The following TLL2 variants were observed in gnomAD, a reference collection of about 807,000 sequenced individuals.
TLL2 encodes tolloid like 2, also known as tolloid-like protein 2.
A neutral mutation model predicts 123.0 loss-of-function variants in TLL2; 106 were observed. The observed-to-expected ratio is 0.86, with a 90% CI of 0.74 to 1.01. TLL2 has a LOEUF of 1.01. Ranked by LOEUF, TLL2 falls within the 50% of genes least tolerant of loss-of-function variation. The probability of loss-of-function intolerance (pLI) is 0.00; values close to 1 mark genes in which losing one functional copy is unlikely to be tolerated. For missense variants in TLL2, 1,332 were observed against 1,336.7 expected, an observed-to-expected ratio of 1.00 and a Z score of 0.06; for synonymous variants, 494 against 516.8, an observed-to-expected ratio of 0.96 and a Z score of 0.60.
At chr10:96,499,037 C>A (rs1440327657) in intron 1 of TLL2, among the ~76,000 whole-genome samples, 1 of 152,238 alleles carries the variant, frequency 6.6e-6, no homozygotes, top group African/African-American at 2.4e-5. Flanking sequence ...GACACTGGAA[C>A]TGGACCCTGT....
At chr10:96,430,093 C>T (rs1021835185) in intron 4 of TLL2, among the ~76,000 whole-genome samples, 3 of 152,000 alleles carry the variant, frequency 2.0e-5, no homozygotes, top group Non-Finnish European at 1.5e-5. Flanking sequence ...CAGCTGACAT[C>T]ACTTGGATGT....
intron 2 of TLL2, among the ~76,000 whole-genome samples, chr10:96,476,234 A>ATTTTTT (rs1232966569): frequency 9.3e-5 from 2 of 21,524 alleles, no homozygotes; most frequent in South Asian, 2.5e-3. Context: ...ATATATATAT[A>ATTTTTT]TATATATTTT....
chr10:96,416,114 TC>T (rs1211492956), intron 7 of TLL2, among the ~76,000 whole-genome samples: 2 of 152,154 alleles, frequency 1.3e-5, no homozygotes, highest in African/African-American at 4.8e-5. Flanking sequence ...AAGTGATGAC[TC>T]TGCAGAAAAT....
At chr10:96,393,709 C>T (rs1846310995) in intron 13 of TLL2, among the ~76,000 whole-genome samples, 1 of 148,276 alleles carries the variant, frequency 6.7e-6, no homozygotes, top group African/African-American at 2.5e-5. Context: ...AATACAAGTG[C>T]TATGGCCTGG....
At chr10:96,506,271 A>AAAAAAG (rs1564921535) in intron 1 of TLL2, among the ~76,000 whole-genome samples, 2 of 150,126 alleles carry the variant, frequency 1.3e-5, no homozygotes, top group African/African-American at 4.9e-5. Flanking sequence ...AAAAAGAAAA[A>AAAAAAG]AAAAAAAGAA....
At chr10:96,429,726 C>T (rs1323898736) in intron 4 of TLL2, among the ~76,000 whole-genome samples, 1 of 152,194 alleles carries the variant, frequency 6.6e-6, no homozygotes, top group African/African-American at 2.4e-5. Flanking sequence ...TTTCTATTTG[C>T]ATGTACATCT....
chr10:96,416,438 G>C (rs74151309), intron 7 of TLL2, among the ~76,000 whole-genome samples: 1,746 of 152,228 alleles, frequency 0.011, 33 homozygotes, highest in African/African-American at 0.04. Flanking sequence ...TAGGAGTCAG[G>C]TGCCATTATC....
chr10:96,371,028 A>G (rs1380107575), intron 19 of TLL2, among the ~76,000 whole-genome samples: 3 of 152,184 alleles, frequency 2.0e-5, no homozygotes, highest in Non-Finnish European at 4.4e-5. Context: ...CACATAAAAT[A>G]AAATGGATAT....
chr10:96,422,471 C>G, intron 6 of TLL2, 78 bp downstream of exon 6: 15 of 1,532,260 alleles, frequency 9.8e-6, no homozygotes, highest in East Asian at 2.3e-5. Flanking sequence ...CAGCAAGTCC[C>G]CTCCTTCCCT....
At chr10:96,374,560 C>T (rs1846117345) in intron 18 of TLL2, 1 of 152,292 alleles carries the variant, frequency 6.6e-6, no homozygotes, top group Non-Finnish European at 1.5e-5. Context: ...TTCTCTCTTA[C>T]TTCTGGTGAT....
intron 2 of TLL2, among the ~76,000 whole-genome samples, chr10:96,476,538 A>C (rs1847254012): frequency 6.6e-6 from 1 of 151,770 alleles, no homozygotes; most frequent in Non-Finnish European, 1.5e-5. Flanking sequence ...CTCGGATTAC[A>C]GGTGTGAGTC....
chr10:96,381,617 T>C (rs1047896884), intron 16 of TLL2, among the ~76,000 whole-genome samples: 1 of 152,222 alleles, frequency 6.6e-6, no homozygotes, highest in African/African-American at 2.4e-5. Context: ...CACCCACTGC[T>C]CCAGGCAACC....
chr10:96,434,778 A>G (rs1403885034), intron 3 of TLL2, among the ~76,000 whole-genome samples: 1 of 152,222 alleles, frequency 6.6e-6, no homozygotes, highest in African/African-American at 2.4e-5. Context: ...TTTTCAAAAC[A>G]GTGGCACCAT....
intron 13 of TLL2, among the ~76,000 whole-genome samples, chr10:96,387,941 G>C (rs1298570724): frequency 6.6e-6 from 1 of 152,208 alleles, no homozygotes. Context: ...CTGAAAGAGA[G>C]CATGTGGGAT....
intron 2 of TLL2, among the ~76,000 whole-genome samples, chr10:96,459,683 AAAAAAAAAAAAAAAAAAAAAAAATATAT>A: frequency 1.9e-5 from 1 of 52,392 alleles, no homozygotes; most frequent in South Asian, 7.0e-4. Flanking sequence ...AAAAAAAAAA[AAAAAAAAAAAAAAAAAAAAAAAATATAT>A]ATATATATAT....
At chr10:96,493,250 G>A (rs565928382) in intron 1 of TLL2, among the ~76,000 whole-genome samples, 1 of 152,312 alleles carries the variant, frequency 6.6e-6, no homozygotes. Flanking sequence ...TAACTGCCAT[G>A]CGTCTTTGGC....
At position 96,368,021 on chromosome 10, in the gene TLL2, C is replaced by T. The variant is rs1013129731; in HGVS notation, c.*67G>A. 38 of 1,590,832 alleles carry T rather than the reference C, an allele frequency of 2.4e-5. No homozygotes were observed. Among genetic ancestry groups the T allele is most frequent in the Non-Finnish European group, 2.9e-5 (34 of 1,165,452 alleles). On this transcript the variant is annotated 3_prime_UTR_variant, in exon 21 of 21. Transcript: ENST00000357947. Reference sequence around the variant, plus strand: ...TGTTTTAGGGCAGATTTTCAAGGTGCTATTGTTGTTAAAAACAAAACAAAA... The same window carrying T: ...TGTTTTAGGGCAGATTTTCAAGGTGTTATTGTTGTTAAAAACAAAACAAAA...
rs567592330 is a variant in TLL2, at chr10:96,501,933, A to G, written c.175+11578T>C. The stretch of plus-strand genomic sequence containing the variant: ...GTCTCGTTTATACTCCTTGGAGCTC[A>G]TTGTCCAATGCAGAGACAGTCATTG... On this transcript the variant is annotated intron_variant, in intron 1 of 20. Coordinates refer to ENST00000357947, the MANE Select transcript of TLL2 (RefSeq NM_012465.4). 1.6e-4 allele frequency among the ~76,000 whole-genome samples: 25 copies of G among 152,326 alleles called. No individual in the cohort carries two copies. In the East Asian group the frequency reaches 3.1e-3, roughly 19 times the overall value.
intron 10 of TLL2, among the ~76,000 whole-genome samples, chr10:96,398,890 G>C (rs1482401757): frequency 3.1e-5 from 1 of 31,830 alleles, no homozygotes; most frequent in Non-Finnish European, 6.5e-5. Context: ...TTTTTTTTTT[G>C]AGACAGAGTC....
Sources: allele counts gnomAD v4.1 joint callset (sites outside exome capture counted in the v4.1 genomes callset), GRCh38; gene constraint gnomAD v4.1.1; transcripts MANE v1.5; gene names NCBI Gene and HGNC (gene_info 2026-07-23, HGNC 2026-07-21).